PARP15: variants seen among roughly 807,000 people sequenced by gnomAD.
PARP15 encodes the protein protein mono-ADP-ribosyltransferase PARP15.
PARP15 carries 50 observed loss-of-function variants against 62.1 expected under a neutral mutation model. The observed-to-expected ratio is 0.81, with a 90% CI of 0.64 to 1.02. The LOEUF (loss-of-function observed/expected upper bound fraction) is 1.02, where lower values mean the gene tolerates loss of function less well. Ranked by LOEUF, PARP15 falls within the 50% of genes least tolerant of loss-of-function variation. The pLI is 0.00. For missense variants in PARP15, 820 were observed against 826.5 expected, an observed-to-expected ratio of 0.99 and a Z score of 0.10; for synonymous variants, 309 against 293.1, an observed-to-expected ratio of 1.05 and a Z score of -0.55.
At chr3:122,622,222 T>G (rs1344352004) in intron 8 of PARP15, among the ~76,000 whole-genome samples, 1 of 152,246 alleles carries the variant, frequency 6.6e-6, no homozygotes, top group Non-Finnish European at 1.5e-5. Flanking sequence ...GTAACATTTC[T>G]GCATTGACTC....
intron 10 of PARP15, among the ~76,000 whole-genome samples, chr3:122,633,537 G>C (rs1371262671): frequency 4.0e-5 from 6 of 150,526 alleles, no homozygotes; most frequent in African/African-American, 1.5e-4. Context: ...TTTTTTTTCA[G>C]ACTTTTTCTT....
At chr3:122,605,127 C>G (rs1935072202) in intron 1 of PARP15, among the ~76,000 whole-genome samples, 2 of 152,176 alleles carry the variant, frequency 1.3e-5, no homozygotes, top group Admixed American at 1.3e-4. Context: ...TGGGGAAACT[C>G]ATAGTGAATC....
At chr3:122,615,397 C>T in intron 4 of PARP15, 4 of 1,297,246 alleles carry the variant, frequency 3.1e-6, no homozygotes. Flanking sequence ...GCCCTGCCCC[C>T]TGCTCACCTA....
chr3:122,634,605 TGAG>T lies in PARP15; in HGVS notation c.1573-411_1573-409del, dbSNP rs535727317. Among the ~76,000 whole-genome samples, 20 of 152,300 alleles carry T rather than the reference TGAG, an allele frequency of 1.3e-4. No homozygotes were observed. The South Asian group carries it at 3.7e-3, about 28-fold the overall frequency. ...GGAGCAATAACAGAAAGAATTGTTA[TGAG>T]GAGAAGCCACATGGAATGAGTTGGA... On this transcript the variant is annotated intron_variant, in intron 10 of 11. Transcript: ENST00000464300.
chr3:122,596,570 C>A (rs1934375066), intron 1 of PARP15, among the ~76,000 whole-genome samples: 1 of 152,068 alleles, frequency 6.6e-6, no homozygotes, highest in South Asian at 2.1e-4. Flanking sequence ...TTGGGAAATC[C>A]TGTTCACCTT....
intron 1 of PARP15, among the ~76,000 whole-genome samples, chr3:122,579,071 TAC>T (rs1245933997): frequency 6.6e-6 from 1 of 152,202 alleles, no homozygotes; most frequent in Non-Finnish European, 1.5e-5. Flanking sequence ...AAGAATAGTG[TAC>T]AAATTGAAAT....
intron 5 of PARP15, among the ~76,000 whole-genome samples, 162 bp from the exon 6 acceptor site, chr3:122,616,853 A>G (rs1180337628): frequency 6.6e-6 from 1 of 152,212 alleles, no homozygotes; most frequent in East Asian, 1.9e-4. Context: ...CTTTAAAAAG[A>G]AAACCAAGCT....
intron 3 of PARP15, among the ~76,000 whole-genome samples, chr3:122,612,796 T>G (rs1381112361): frequency 6.6e-6 from 1 of 152,120 alleles, no homozygotes; most frequent in East Asian, 1.9e-4. Context: ...ACACCACTTT[T>G]AGTTACATTG....
intron 1 of PARP15, among the ~76,000 whole-genome samples, chr3:122,595,590 C>T (rs1409026561): frequency 6.6e-6 from 1 of 152,178 alleles, no homozygotes; most frequent in African/African-American, 2.4e-5. Flanking sequence ...TGCTCTGCTG[C>T]CCAGGCTAGA....
intron 2 of PARP15, 74 bp downstream of exon 2, chr3:122,606,129 G>T: frequency 7.0e-7 from 1 of 1,437,140 alleles, no homozygotes; most frequent in African/African-American, 1.4e-5. Context: ...GTTGTTCCAT[G>T]ATTTAATTTG....
chr3:122,589,980 G>C (rs1024078708), intron 1 of PARP15, among the ~76,000 whole-genome samples: 2 of 148,798 alleles, frequency 1.3e-5, no homozygotes, highest in African/African-American at 2.5e-5. Context: ...CTGTGTCCTG[G>C]GTTCATGCCA....
chr3:122,634,998 T>C (rs373024240), intron 10 of PARP15, 22 bp from the exon 11 acceptor site: 1 of 1,612,314 alleles, frequency 6.2e-7, no homozygotes, highest in Non-Finnish European at 8.5e-7. Flanking sequence ...TTCTGAAATA[T>C]TTTGTCTTTT....
In PARP15 at chr3:122,629,454, C is replaced by T. The variant is rs549981721; in HGVS notation, c.1438+2421C>T. Reference sequence around the variant, plus strand: ...CTGGGATCTTGGTTTTTAATCCCACCCCCACAGGTGAGGGCATTTATCCTG... The same window carrying T: ...CTGGGATCTTGGTTTTTAATCCCACTCCCACAGGTGAGGGCATTTATCCTG... On this transcript the variant is annotated intron_variant, in intron 9 of 11. Coordinates refer to ENST00000464300, the MANE Select transcript of PARP15 (RefSeq NM_001113523.3). 2.0e-5 allele frequency among the ~76,000 whole-genome samples: 3 copies of T among 152,122 alleles called. No individual in the cohort carries two copies. In the East Asian group the frequency reaches 5.8e-4, roughly 29 times the overall value.
At chr3:122,620,332 A>C (rs548469691) in intron 7 of PARP15, among the ~76,000 whole-genome samples, 1 of 152,318 alleles carries the variant, frequency 6.6e-6, no homozygotes, top group African/African-American at 2.4e-5. Context: ...GCCAACTTCT[A>C]ATCCTTTTAT....
chr3:122,605,919 T>C lies in PARP15; in HGVS notation c.187-17T>C, dbSNP rs1328630107. On this transcript the variant is annotated splice_polypyrimidine_tract_variant and intron_variant, in intron 1 of 11. Transcript: ENST00000464300. ...GAAATTGGCATTGCTGGTAATGCTT[T>C]ACTGTTTTCTCCACAGTCCAGAGAC... is the stretch of plus-strand genomic sequence containing the variant. The C allele has an allele frequency of 7.7e-6, 12 of 1,550,262 alleles. No individual in the cohort carries two copies. The Admixed American group carries it at 1.2e-4, about 15-fold the overall frequency.
intron 1 of PARP15, among the ~76,000 whole-genome samples, chr3:122,582,763 T>G (rs954019261): frequency 1.7e-5 from 2 of 117,426 alleles, no homozygotes; most frequent in Non-Finnish European, 3.7e-5. Flanking sequence ...TGTACCTTCC[T>G]CTCTCTCTTT....
intron 6 of PARP15, among the ~76,000 whole-genome samples, chr3:122,619,296 T>C (rs1208031784): frequency 1.3e-5 from 2 of 152,214 alleles, no homozygotes; most frequent in African/African-American, 4.8e-5. Context: ...CAGCTGTCAT[T>C]AGACTTGACC....
At chr3:122,604,575 C>T (rs902648203) in intron 1 of PARP15, among the ~76,000 whole-genome samples, 2 of 152,064 alleles carry the variant, frequency 1.3e-5, no homozygotes, top group East Asian at 1.9e-4. Flanking sequence ...GAAAGTAGGG[C>T]CGGGTGTGGT....
Position 122,619,849 on chromosome 3 carries a change from G to A in PARP15, c.1063+6G>A. On this transcript the variant is annotated splice_donor_region_variant and intron_variant, in intron 7 of 11. Transcript: ENST00000464300. ...AAGTGAATGTGCTGTACTAGGTATG[G>A]GCACATGTTACTTTTGACTACAAAC... is the stretch of plus-strand genomic sequence containing the variant. The A allele has an allele frequency of 3.7e-6, 6 of 1,610,154 alleles. No individual in the cohort carries two copies. The highest frequency in any genetic ancestry group is 5.1e-6 in the Non-Finnish European group (6 of 1,176,380).
Sources: allele counts gnomAD v4.1 joint callset (sites outside exome capture counted in the v4.1 genomes callset), GRCh38; gene constraint gnomAD v4.1.1; transcripts MANE v1.5; gene names NCBI Gene and HGNC (gene_info 2026-07-23, HGNC 2026-07-21).